LINGO2: variants seen among roughly 807,000 people sequenced by gnomAD.
LINGO2 encodes leucine rich repeat and Ig domain containing 2.
A neutral mutation model predicts 30.6 loss-of-function variants in LINGO2; 14 were observed. The observed-to-expected ratio is 0.46, with a 90% confidence interval of 0.30 to 0.72. The LOEUF (loss-of-function observed/expected upper bound fraction) is 0.72, where lower values mean the gene tolerates loss of function less well. LINGO2 is among the 30% of genes least tolerant of loss of function. The pLI is 0.07. For synonymous variants in LINGO2, 317 were observed against 288.5 expected, an observed-to-expected ratio of 1.10 and a Z score of -1.00; for missense variants, 729 against 751.7, an observed-to-expected ratio of 0.97 and a Z score of 0.35.
chr9:28,301,424 A>C (rs561620704), intron 3 of LINGO2, among the ~76,000 whole-genome samples: 1 of 152,166 alleles, frequency 6.6e-6, no homozygotes, highest in South Asian at 2.1e-4. Context: ...AGTGGGGAAA[A>C]AACAACTTCT....
At chr9:28,180,430 T>C (rs918751814) in intron 4 of LINGO2, among the ~76,000 whole-genome samples, 3 of 152,338 alleles carry the variant, frequency 2.0e-5, no homozygotes, top group African/African-American at 7.2e-5. Context: ...ACATTACATA[T>C]TCTATCTTCT....
At chr9:27,974,212 C>T (rs1387445232) in intron 5 of LINGO2, among the ~76,000 whole-genome samples, 1 of 152,140 alleles carries the variant, frequency 6.6e-6, no homozygotes, top group Non-Finnish European at 1.5e-5. Flanking sequence ...ATGAGGATTA[C>T]ATGCTGTCAT....
the LINGO2 span, among the ~76,000 whole-genome samples, chr9:28,875,238 T>C: frequency 1.3e-5 from 2 of 152,114 alleles, no homozygotes; most frequent in Non-Finnish European, 2.9e-5. Flanking sequence ...AATGTTTACC[T>C]GTATACAACA....
At chr9:28,764,157 T>G in the LINGO2 span, among the ~76,000 whole-genome samples, 418 of 151,790 alleles carry the variant, frequency 2.8e-3, 2 homozygotes, top group Admixed American at 7.5e-3. Flanking sequence ...GAAGAGATAC[T>G]TTTTAACTCT....
chr9:28,631,805 A>G (rs903792848), intron 1 of LINGO2, among the ~76,000 whole-genome samples: 1 of 152,122 alleles, frequency 6.6e-6, no homozygotes, highest in African/African-American at 2.4e-5. Flanking sequence ...ATCCCTCTTG[A>G]GGCAGTTCTC....
intron 4 of LINGO2, among the ~76,000 whole-genome samples, chr9:28,254,225 A>G (rs1822304470): frequency 6.6e-6 from 1 of 152,136 alleles, no homozygotes; most frequent in Admixed American, 6.5e-5. Flanking sequence ...GTAATTTTTA[A>G]CATTAATATT....
At chr9:29,072,509 T>C in the LINGO2 span, among the ~76,000 whole-genome samples, 2 of 151,568 alleles carry the variant, frequency 1.3e-5, no homozygotes, top group Non-Finnish European at 1.5e-5. Flanking sequence ...AATAAAGCTG[T>C]TTAATTATAT....
the LINGO2 span, among the ~76,000 whole-genome samples, chr9:28,991,406 G>C: frequency 6.6e-6 from 1 of 151,302 alleles, no homozygotes; most frequent in Non-Finnish European, 1.5e-5. Context: ...ACCTGAAACT[G>C]ATGGGGAGAA....
At chr9:28,849,776 G>A in the LINGO2 span, among the ~76,000 whole-genome samples, 1 of 151,844 alleles carries the variant, frequency 6.6e-6, no homozygotes, top group African/African-American at 2.4e-5. Context: ...TCAGCTCTCA[G>A]CTTAGATCAC....
chr9:28,969,809 A>T, the LINGO2 span, among the ~76,000 whole-genome samples: 1 of 152,214 alleles, frequency 6.6e-6, no homozygotes, highest in South Asian at 2.1e-4. Context: ...TGGAGTTACC[A>T]TTAAATGAAA....
chr9:28,702,702 G>A, the LINGO2 span, among the ~76,000 whole-genome samples: 2 of 151,876 alleles, frequency 1.3e-5, no homozygotes, highest in East Asian at 3.9e-4. Flanking sequence ...AGAGATGACA[G>A]AATGTTTGTA....
intron 1 of LINGO2, among the ~76,000 whole-genome samples, chr9:28,627,479 C>T (rs140044474): frequency 6.6e-6 from 1 of 152,176 alleles, no homozygotes; most frequent in East Asian, 1.9e-4. Context: ...GTTTTCTCAA[C>T]TGATCTCCTA....
chr9:28,924,585 GC>G, the LINGO2 span, among the ~76,000 whole-genome samples: 6 of 152,102 alleles, frequency 3.9e-5, no homozygotes, highest in Non-Finnish European at 8.8e-5. Context: ...GGTTTATAGT[GC>G]AGTCCAGCAG....
At chr9:28,913,533 T>A in the LINGO2 span, among the ~76,000 whole-genome samples, 3 of 152,136 alleles carry the variant, frequency 2.0e-5, no homozygotes, top group Non-Finnish European at 2.9e-5. Context: ...CCTTAAAATG[T>A]GAATGTGTAC....
At chr9:28,583,731 T>C (rs1824384577) in intron 1 of LINGO2, among the ~76,000 whole-genome samples, 1 of 152,096 alleles carries the variant, frequency 6.6e-6, no homozygotes, top group Non-Finnish European at 1.5e-5. Flanking sequence ...AGATGTTGGC[T>C]GTTCTGCCCA....
chr9:28,994,953 G>A, the LINGO2 span, among the ~76,000 whole-genome samples: 1 of 152,062 alleles, frequency 6.6e-6, no homozygotes, highest in African/African-American at 2.4e-5. Context: ...CAGGACATAG[G>A]CATGGGCAAG....
the LINGO2 span, among the ~76,000 whole-genome samples, chr9:28,838,587 G>C: frequency 2.0e-5 from 3 of 152,152 alleles, no homozygotes; most frequent in Admixed American, 2.0e-4. Flanking sequence ...TCTCTTATTT[G>C]CTCAAGCTAA....
At chr9:28,105,251 G>T (rs1826552162) in intron 4 of LINGO2, among the ~76,000 whole-genome samples, 1 of 152,122 alleles carries the variant, frequency 6.6e-6, no homozygotes, top group East Asian at 1.9e-4. Context: ...ACGTTATTAG[G>T]AAGTGTTCAG....
the LINGO2 span, among the ~76,000 whole-genome samples, chr9:28,900,932 G>GT: frequency 6.6e-6 from 1 of 151,990 alleles, no homozygotes; most frequent in African/African-American, 2.4e-5. Flanking sequence ...AGTGACGAAA[G>GT]TAAGAAATTG....
Sources: gnomAD v4.1 joint callset for allele counts (sites outside exome capture counted in the v4.1 genomes callset) on GRCh38, gnomAD v4.1.1 for gene constraint, MANE v1.5 for transcripts, NCBI Gene and HGNC (gene_info 2026-07-23, HGNC 2026-07-21) for gene names.